Variants in AGBL1 observed in about 807,000 individuals in gnomAD.
AGBL1 encodes the protein cytosolic carboxypeptidase 4.
A neutral mutation model predicts 118.9 loss-of-function variants in AGBL1; 130 were observed. That is an observed-to-expected ratio of 1.09 (90% CI 0.95 to 1.26). The LOEUF (loss-of-function observed/expected upper bound fraction) is 1.26. Among genes scored for constraint, AGBL1 ranks in the 50% most tolerant of loss-of-function variants. AGBL1 has a pLI of 0.00. For missense variants in AGBL1, 1,584 were observed against 1,298.1 expected (o/e 1.22, Z -3.38); for synonymous variants, 555 against 478.9 (o/e 1.16, Z -2.08).
chr15:86,814,891 C>T (rs868813956), intron 22 of AGBL1, among the ~76,000 whole-genome samples: 3 of 152,116 alleles, frequency 2.0e-5, no homozygotes, highest in African/African-American at 2.4e-5. Context: ...AATTGCCTGA[C>T]GAAATGCATT....
chr15:86,447,014 T>C (rs996474994), intron 18 of AGBL1, among the ~76,000 whole-genome samples: 3 of 152,210 alleles, frequency 2.0e-5, no homozygotes, highest in Non-Finnish European at 4.4e-5. Context: ...ATCGTATACT[T>C]TAGAACAAGA....
intron 21 of AGBL1, among the ~76,000 whole-genome samples, chr15:86,563,311 T>A (rs893047659): frequency 4.6e-5 from 7 of 152,194 alleles, no homozygotes; most frequent in African/African-American, 1.7e-4. Context: ...ACACACTGCT[T>A]TAAATGTGTC....
intron 16 of AGBL1, among the ~76,000 whole-genome samples, chr15:86,286,804 T>C (rs987401150): frequency 2.0e-5 from 3 of 148,624 alleles, no homozygotes; most frequent in African/African-American, 7.5e-5. Flanking sequence ...CTGTGAATAA[T>C]GCTGCACTGA....
chr15:86,190,859 C>T (rs1041930646), intron 5 of AGBL1, among the ~76,000 whole-genome samples: 3 of 152,104 alleles, frequency 2.0e-5, no homozygotes, highest in South Asian at 2.1e-4. Context: ...ATAAGCAAGA[C>T]GGCGTACAAA....
intron 23 of AGBL1, among the ~76,000 whole-genome samples, chr15:86,923,680 AG>A (rs2080503107): frequency 1.3e-5 from 2 of 152,202 alleles, no homozygotes; most frequent in African/African-American, 4.8e-5. Flanking sequence ...CCTGAAAGCA[AG>A]GTTATGTCTT....
chr15:86,704,578 A>G (rs978507723), intron 22 of AGBL1, among the ~76,000 whole-genome samples: 2 of 152,238 alleles, frequency 1.3e-5, no homozygotes, highest in Admixed American at 1.3e-4. Context: ...CAAAACCACA[A>G]TAAGATGCCA....
chr15:86,874,380 G>GAACACA (rs2079774483), intron 22 of AGBL1, among the ~76,000 whole-genome samples: 2 of 83,032 alleles, frequency 2.4e-5, no homozygotes, highest in Non-Finnish European at 4.9e-5. Context: ...GTTGTGGGTG[G>GAACACA]GACACACACA....
At chr15:86,507,285 A>G (rs2082989302) in intron 18 of AGBL1, among the ~76,000 whole-genome samples, 1 of 152,164 alleles carries the variant, frequency 6.6e-6, no homozygotes, top group Non-Finnish European at 1.5e-5. Context: ...TGGAAGATCC[A>G]TTAATACCAT....
chr15:86,986,804 C>A (rs2081288328), intron 23 of AGBL1, among the ~76,000 whole-genome samples: 1 of 152,122 alleles, frequency 6.6e-6, no homozygotes, highest in South Asian at 2.1e-4. Flanking sequence ...TCATTGATTT[C>A]ACTCGCGTCC....
At chr15:86,170,507 T>C (rs1255296820) in intron 5 of AGBL1, among the ~76,000 whole-genome samples, 1 of 151,940 alleles carries the variant, frequency 6.6e-6, no homozygotes, top group Non-Finnish European at 1.5e-5. Flanking sequence ...ACCATGTGCA[T>C]AAGAAACATG....
chr15:86,131,053 T>A (rs986035261), intron 1 of AGBL1, among the ~76,000 whole-genome samples: 2 of 152,172 alleles, frequency 1.3e-5, no homozygotes, highest in African/African-American at 4.8e-5. Flanking sequence ...TATGGGTCTT[T>A]CCGTATGGCA....
chr15:86,129,140 G>A (rs2076786649), intron 1 of AGBL1, among the ~76,000 whole-genome samples: 1 of 152,174 alleles, frequency 6.6e-6, no homozygotes, highest in Non-Finnish European at 1.5e-5. Context: ...TGAATATAAT[G>A]TCTCATTCTA....
At chr15:86,726,783 G>A (rs1390490140) in intron 22 of AGBL1, among the ~76,000 whole-genome samples, 3 of 152,028 alleles carry the variant, frequency 2.0e-5, no homozygotes, top group Admixed American at 6.5e-5. Flanking sequence ...TCAAACTCAT[G>A]GGCTCAAGCG....
intron 24 of AGBL1, among the ~76,000 whole-genome samples, chr15:87,025,986 T>C (rs1393051490): frequency 6.6e-6 from 1 of 152,010 alleles, no homozygotes; most frequent in Non-Finnish European, 1.5e-5. Context: ...TCCTCATCTG[T>C]CACCTTATAC....
At chr15:86,782,819 T>G (rs1367340767) in intron 22 of AGBL1, among the ~76,000 whole-genome samples, 1 of 152,218 alleles carries the variant, frequency 6.6e-6, no homozygotes, top group African/African-American at 2.4e-5. Flanking sequence ...TTTATTCTTG[T>G]GAAGGTCAGC....
intron 19 of AGBL1, among the ~76,000 whole-genome samples, chr15:86,526,544 G>GTGTATATATATA (rs754816154): frequency 7.9e-4 from 94 of 119,418 alleles, no homozygotes; most frequent in African/African-American, 2.7e-3. Flanking sequence ...TTGTGTCTGT[G>GTGTATATATATA]TATATATATA....
At chr15:86,421,761 A>T (rs1261719091) in intron 18 of AGBL1, among the ~76,000 whole-genome samples, 1 of 152,176 alleles carries the variant, frequency 6.6e-6, no homozygotes, top group East Asian at 1.9e-4. Context: ...AGGAAGATTT[A>T]GCAAGCAAAT....
intron 22 of AGBL1, among the ~76,000 whole-genome samples, chr15:86,840,859 C>G (rs1266784386): frequency 6.6e-6 from 1 of 152,074 alleles, no homozygotes; most frequent in African/African-American, 2.4e-5. Flanking sequence ...TTGTGTTTCC[C>G]TAGGTCATGT....
At position 86,943,001 on chromosome 15, in the gene AGBL1, T is replaced by C. The variant is rs143319236; in HGVS notation, c.3222-44986T>C. Among the ~76,000 whole-genome samples, 756 of 152,340 alleles carry C rather than the reference T, an allele frequency of 5.0e-3. 2 individuals are homozygous for C. The highest frequency in any genetic ancestry group is 0.016 in the African/African-American group (684 of 41,584). On this transcript the variant is annotated intron_variant, in intron 23 of 24. Transcript: ENST00000441037. ...CCATCTTCTTAGCCTCACTGTTAAC[T>C]GCTCAACTCCTTATTCAATGCCACA...
Sources: allele counts gnomAD v4.1 joint callset (sites outside exome capture counted in the v4.1 genomes callset), GRCh38; gene constraint gnomAD v4.1.1; transcripts MANE v1.5; gene names NCBI Gene and HGNC (gene_info 2026-07-23, HGNC 2026-07-21).